The following SNX29 variants were observed in gnomAD, a reference collection of about 807,000 sequenced individuals.
The protein encoded by SNX29 is sorting nexin-29.
A neutral mutation model predicts 102.1 loss-of-function variants in SNX29; 78 were observed. The ratio of observed to expected loss-of-function variants is 0.76; its 90% CI spans 0.64 to 0.92. The LOEUF is 0.92. Among genes scored for constraint, SNX29 ranks in the 40% least tolerant of loss-of-function variants. SNX29 has a pLI of 0.00. For missense variants in SNX29, 1,280 were observed against 1,061.7 expected (o/e 1.21, Z -2.86); for synonymous variants, 580 against 414.5 (o/e 1.40, Z -4.85).
chr16:11,983,731 T>A (rs1596524238), intron 1 of SNX29: 1 of 984,162 alleles, frequency 1.0e-6, no homozygotes, highest in South Asian at 4.7e-5. Flanking sequence ...GGAACTCAAA[T>A]GCTTAGAGCT....
intron 13 of SNX29, among the ~76,000 whole-genome samples, chr16:12,149,411 CAA>C (rs2055203664): frequency 6.6e-6 from 1 of 152,166 alleles, no homozygotes; most frequent in African/African-American, 2.4e-5. Context: ...AAACAGAAGG[CAA>C]GTAGTGGTCT....
chr16:12,403,626 T>A, intron 18 of SNX29, 97 bp downstream of exon 18: 1 of 1,174,850 alleles, frequency 8.5e-7, no homozygotes, highest in Non-Finnish European at 1.2e-6. Context: ...TGGGGCGCTA[T>A]GATTAGGAGG....
At chr16:12,117,286 G>A (rs550408301) in intron 11 of SNX29, among the ~76,000 whole-genome samples, 24 of 146,354 alleles carry the variant, frequency 1.6e-4, no homozygotes, top group Non-Finnish European at 2.1e-4. Context: ...GCTTCAACGC[G>A]GACGAACCGT....
At position 12,571,568 on chromosome 16, in the gene SNX29, C is replaced by T. The variant is rs970722910; in HGVS notation, c.*2939C>T. On this transcript the variant is annotated 3_prime_UTR_variant, in exon 21 of 21. Coordinates refer to ENST00000566228, the MANE Select transcript of SNX29 (RefSeq NM_032167.5). ...GAGGAAGAATCCACACCGAATCCTT[C>T]TGTCTTCATGGCCTGCTGTGCTGAA... 2 of 1,026,944 alleles carry T rather than the reference C, an allele frequency of 1.9e-6. No homozygotes were observed. The highest frequency in any genetic ancestry group is 4.7e-5 in the South Asian group (1 of 21,192). 63.6% of individuals were successfully genotyped at this position (1,026,944 alleles called of 1,614,324 possible). A position where few individuals can be genotyped will look rare whatever the true frequency, so the allele number is the denominator to read the frequency against.
At chr16:12,425,882 G>C (rs2085056486) in intron 18 of SNX29, among the ~76,000 whole-genome samples, 1 of 152,026 alleles carries the variant, frequency 6.6e-6, no homozygotes, top group African/African-American at 2.4e-5. Context: ...AACCATTTCT[G>C]CTGTACCCAC....
chr16:12,045,566 C>G (rs181438823), intron 5 of SNX29, among the ~76,000 whole-genome samples: 20 of 151,420 alleles, frequency 1.3e-4, no homozygotes, highest in Non-Finnish European at 2.4e-4. Flanking sequence ...TAGCCTTTTC[C>G]AAGGATAATG....
chr16:12,408,355 A>G (rs1226604783), intron 18 of SNX29, among the ~76,000 whole-genome samples: 1 of 151,990 alleles, frequency 6.6e-6, no homozygotes, highest in Non-Finnish European at 1.5e-5. Flanking sequence ...ACTGTGGTGC[A>G]CACATTATCC....
chr16:12,500,435 G>T (rs1364664055), intron 19 of SNX29, among the ~76,000 whole-genome samples: 1 of 152,150 alleles, frequency 6.6e-6, no homozygotes, highest in African/African-American at 2.4e-5. Flanking sequence ...CCAGGGCTGG[G>T]ACTTCTGACA....
chr16:12,543,603 G>T (rs560115491), intron 20 of SNX29, among the ~76,000 whole-genome samples: 4 of 152,164 alleles, frequency 2.6e-5, no homozygotes, highest in South Asian at 2.1e-4. Context: ...CATCCTCCCC[G>T]ATGGAGTGGG....
At chr16:12,036,445 C>T (rs2057476769) in intron 4 of SNX29, among the ~76,000 whole-genome samples, 1 of 150,074 alleles carries the variant, frequency 6.7e-6, no homozygotes, top group South Asian at 2.1e-4. Flanking sequence ...CGCCATTCTT[C>T]TGCCTCTGCC....
intron 12 of SNX29, among the ~76,000 whole-genome samples, chr16:12,127,573 C>T (rs1235387390): frequency 6.6e-6 from 1 of 152,066 alleles, no homozygotes; most frequent in Non-Finnish European, 1.5e-5. Flanking sequence ...AGGCGCATGC[C>T]ACCATGCCCG....
chr16:12,438,854 T>C (rs1331045537), intron 18 of SNX29, among the ~76,000 whole-genome samples: 2 of 152,086 alleles, frequency 1.3e-5, no homozygotes, highest in African/African-American at 4.8e-5. Flanking sequence ...GCTGAGGGCC[T>C]GGGATGGACA....
chr16:12,070,795 C>G (rs1187826185), intron 10 of SNX29, among the ~76,000 whole-genome samples: 1 of 152,180 alleles, frequency 6.6e-6, no homozygotes, highest in Non-Finnish European at 1.5e-5. Flanking sequence ...GTCCCACCAA[C>G]AGTGTAAAAG....
chr16:12,127,027 G>A (rs2054241664), intron 12 of SNX29, among the ~76,000 whole-genome samples: 1 of 152,124 alleles, frequency 6.6e-6, no homozygotes, highest in Non-Finnish European at 1.5e-5. Context: ...CATTTAAAGT[G>A]TATGGCCAAG....
chr16:12,553,098 C>T (rs1247409044), intron 20 of SNX29, among the ~76,000 whole-genome samples: 3 of 147,666 alleles, frequency 2.0e-5, no homozygotes, highest in South Asian at 4.2e-4. Context: ...TCAGGCTTGG[C>T]CTGGGGCTTT....
chr16:12,497,440 G>A (rs957639244), intron 19 of SNX29, among the ~76,000 whole-genome samples: 1 of 152,166 alleles, frequency 6.6e-6, no homozygotes, highest in African/African-American at 2.4e-5. Context: ...ACGGGAGAGT[G>A]TATCATCGTG....
At chr16:12,362,027 G>A (rs900756896) in intron 16 of SNX29, among the ~76,000 whole-genome samples, 1 of 152,130 alleles carries the variant, frequency 6.6e-6, no homozygotes, top group Non-Finnish European at 1.5e-5. Context: ...TTAATAACGA[G>A]TAGCCTGCTG....
chr16:12,466,453 A>C (rs1268783737), intron 18 of SNX29, among the ~76,000 whole-genome samples: 1 of 152,230 alleles, frequency 6.6e-6, no homozygotes, highest in Non-Finnish European at 1.5e-5. Flanking sequence ...ACAGCAGCAT[A>C]GTGATCATGG....
intron 13 of SNX29, among the ~76,000 whole-genome samples, chr16:12,134,008 G>A (rs2054568469): frequency 6.6e-6 from 1 of 152,096 alleles, no homozygotes. Flanking sequence ...GTGCTTTTTG[G>A]CCCTGGGCAG....
Sources: gnomAD v4.1 joint callset for allele counts (sites outside exome capture counted in the v4.1 genomes callset) on GRCh38, gnomAD v4.1.1 for gene constraint, MANE v1.5 for transcripts, NCBI Gene and HGNC (gene_info 2026-07-23, HGNC 2026-07-21) for gene names.